The following CLDN10 variants were observed in gnomAD, a reference collection of about 807,000 sequenced individuals.
CLDN10 encodes the protein claudin 10.
A neutral mutation model predicts 22.9 loss-of-function variants in CLDN10; 15 were observed. That is an observed-to-expected ratio of 0.65 (90% CI 0.44 to 1.01). CLDN10 has a LOEUF of 1.01. Among genes scored for constraint, CLDN10 ranks in the 50% least tolerant of loss-of-function variants. The probability of loss-of-function intolerance (pLI) is 0.00; values close to 1 mark genes in which losing one functional copy is unlikely to be tolerated. For synonymous variants in CLDN10, 114 were observed against 111.4 expected (o/e 1.02, Z -0.15); for missense variants, 247 against 287.8 (o/e 0.86, Z 1.03).
At chr13:95,576,252 TCTTA>T (rs1467406930) in intron 3 of CLDN10, among the ~76,000 whole-genome samples, 1 of 152,202 alleles carries the variant, frequency 6.6e-6, no homozygotes, top group African/African-American at 2.4e-5. Context: ...CTCCTGGACC[TCTTA>T]CTTTCTTGCC....
chr13:95,444,407 T>C (rs996625239), intron 1 of CLDN10, among the ~76,000 whole-genome samples: 2 of 152,224 alleles, frequency 1.3e-5, no homozygotes, highest in Non-Finnish European at 2.9e-5. Context: ...GGTTAATAAT[T>C]TGGCAAATCA....
intron 1 of CLDN10, among the ~76,000 whole-genome samples, chr13:95,436,051 T>G (rs1448986580): frequency 2.0e-5 from 3 of 152,192 alleles, no homozygotes; most frequent in African/African-American, 7.2e-5. Context: ...GTGTTCAACT[T>G]TAGCTTCAAA....
intron 1 of CLDN10, among the ~76,000 whole-genome samples, chr13:95,516,998 CCTTCCTTCCTTCCTTCCTTCCTT>C (rs1367799466): frequency 6.8e-6 from 1 of 147,280 alleles, no homozygotes; most frequent in Admixed American, 6.9e-5. Context: ...TTCCTTCCTT[CCTTCCTTCCTTCCTTCCTTCCTT>C]CCTCCCTCCC....
upstream of CLDN10, among the ~76,000 whole-genome samples, chr13:95,547,870 T>C (rs2043525580): frequency 6.6e-6 from 1 of 152,158 alleles, no homozygotes; most frequent in South Asian, 2.1e-4. Context: ...GACGCCACCT[T>C]TAAATTTAAC....
At chr13:95,520,952 G>A (rs1318527876) in intron 1 of CLDN10, among the ~76,000 whole-genome samples, 6 of 149,854 alleles carry the variant, frequency 4.0e-5, no homozygotes, top group African/African-American at 9.7e-5. Context: ...GCGACAGAGC[G>A]AGACTCCTCA....
chr13:95,482,886 G>A (rs1444143331), intron 1 of CLDN10, among the ~76,000 whole-genome samples: 2 of 152,192 alleles, frequency 1.3e-5, no homozygotes, highest in Non-Finnish European at 2.9e-5. Context: ...GGCTAAGACA[G>A]GAGAATCTCT....
chr13:95,468,055 T>A (rs1368389350), intron 1 of CLDN10, among the ~76,000 whole-genome samples: 1 of 152,150 alleles, frequency 6.6e-6, no homozygotes, highest in African/African-American at 2.4e-5. Flanking sequence ...ATTAATCTCA[T>A]CTAAAAACGC....
At chr13:95,490,066 C>T (rs1190800081) in intron 1 of CLDN10, among the ~76,000 whole-genome samples, 1 of 152,100 alleles carries the variant, frequency 6.6e-6, no homozygotes, top group African/African-American at 2.4e-5. Context: ...TATTCTGTTC[C>T]ATTGGTCTGT....
At chr13:95,480,977 C>T (rs1427772559) in intron 1 of CLDN10, among the ~76,000 whole-genome samples, 1 of 152,232 alleles carries the variant, frequency 6.6e-6, no homozygotes, top group Non-Finnish European at 1.5e-5. Flanking sequence ...CATCCTTCCC[C>T]TTTGTCTTCC....
intron 1 of CLDN10, among the ~76,000 whole-genome samples, chr13:95,533,093 T>G (rs1481199733): frequency 2.0e-5 from 3 of 152,020 alleles, no homozygotes; most frequent in Non-Finnish European, 4.4e-5. Flanking sequence ...ATTTATAAAT[T>G]TCATTGTATG....
At chr13:95,554,276 C>A (rs2043606246) in intron 1 of CLDN10, among the ~76,000 whole-genome samples, 1 of 152,232 alleles carries the variant, frequency 6.6e-6, no homozygotes, top group South Asian at 2.1e-4. Context: ...TCTCTTGTTC[C>A]TGTGATTTAT....
chr13:95,482,165 C>T (rs1318360353), intron 1 of CLDN10, among the ~76,000 whole-genome samples: 1 of 152,166 alleles, frequency 6.6e-6, no homozygotes, highest in African/African-American at 2.4e-5. Flanking sequence ...CATCGCATGC[C>T]TGTATCAAAA....
chr13:95,530,140 T>C (rs35107945), intron 1 of CLDN10, among the ~76,000 whole-genome samples: 13,670 of 152,122 alleles, frequency 0.09, 862 homozygotes, highest in Middle Eastern at 0.12. Flanking sequence ...TTGTTTCCTC[T>C]TGATTCACCT....
chr13:95,540,570 T>A (rs2043449856), intron 1 of CLDN10, among the ~76,000 whole-genome samples: 1 of 152,182 alleles, frequency 6.6e-6, no homozygotes, highest in Admixed American at 6.5e-5. Flanking sequence ...TTAATATGCA[T>A]TAGGTAACAA....
In CLDN10 at chr13:95,552,845, A is replaced by G; in HGVS notation, c.92A>G (p.Lys31Arg). ...VSSTLPTDYW[K>R]VSTIDGTVIT... ...TCCACGCTGCCCACCGACTACTGGAAGGTGTCTACCATCGACGGCACGGTC... is the reference window on the plus strand; with the variant it reads ...TCCACGCTGCCCACCGACTACTGGAGGGTGTCTACCATCGACGGCACGGTC... The change falls in exon 1 of 5, where the codon AAG becomes AGG. Residue 31 changes from lysine (K) to arginine (R), a missense_variant. Physicochemically the swap from Lys to Arg is conservative, Grantham distance 26. Coordinates refer to ENST00000299339, the MANE Select transcript of CLDN10 (RefSeq NM_006984.5). 6.2e-7 allele frequency: 1 copy of G among 1,614,070 alleles called. No individual in the cohort carries two copies.
intron 3 of CLDN10, among the ~76,000 whole-genome samples, chr13:95,570,945 C>T (rs1355704568): frequency 1.4e-5 from 2 of 144,604 alleles, no homozygotes; most frequent in Non-Finnish European, 3.0e-5. Flanking sequence ...AAATATGTTT[C>T]CTGAATTTAC....
intron 1 of CLDN10, among the ~76,000 whole-genome samples, chr13:95,481,091 C>A (rs1269019638): frequency 6.6e-6 from 1 of 152,150 alleles, no homozygotes; most frequent in Non-Finnish European, 1.5e-5. Flanking sequence ...GCATCTTGAC[C>A]ACCTATTGGG....
At chr13:95,464,695 C>T (rs571916585) in intron 1 of CLDN10, among the ~76,000 whole-genome samples, 8 of 151,774 alleles carry the variant, frequency 5.3e-5, no homozygotes, top group Admixed American at 2.6e-4. Flanking sequence ...ATGTCCCAGA[C>T]GCCATGCTGC....
At chr13:95,506,105 C>G (rs2043035763) in intron 1 of CLDN10, among the ~76,000 whole-genome samples, 1 of 152,158 alleles carries the variant, frequency 6.6e-6, no homozygotes, top group Admixed American at 6.5e-5. Flanking sequence ...TTCAACCTCA[C>G]TGCTTAATGC....
Sources: allele counts gnomAD v4.1 joint callset (sites outside exome capture counted in the v4.1 genomes callset), GRCh38; gene constraint gnomAD v4.1.1; transcripts MANE v1.5; gene names NCBI Gene and HGNC (gene_info 2026-07-23, HGNC 2026-07-21).